Variants in GALNT18 observed in about 807,000 individuals in gnomAD.
GALNT18 encodes the protein GalNAc-transferase 18.
A neutral mutation model predicts 69.5 loss-of-function variants in GALNT18; 44 were observed. The ratio of observed to expected loss-of-function variants is 0.63; its 90% confidence interval spans 0.50 to 0.81. The LOEUF (loss-of-function observed/expected upper bound fraction) is 0.81. Among genes scored for constraint, GALNT18 ranks in the 40% least tolerant of loss-of-function variants. The pLI is 0.00. For missense variants in GALNT18, 715 were observed against 810.0 expected, an observed-to-expected ratio of 0.88 and a Z score of 1.42; for synonymous variants, 364 against 318.2, an observed-to-expected ratio of 1.14 and a Z score of -1.53.
intron 1 of GALNT18, among the ~76,000 whole-genome samples, chr11:11,570,996 G>A (rs1233256434): frequency 6.6e-6 from 1 of 152,044 alleles, no homozygotes; most frequent in Admixed American, 6.5e-5. Flanking sequence ...AAGTTTTCCT[G>A]GGTTGAGCAC....
intron 1 of GALNT18, among the ~76,000 whole-genome samples, chr11:11,478,919 ATCTCCCGCGGAGGTG>A (rs1856461922): frequency 1.4e-4 from 1 of 7,158 alleles, no homozygotes; most frequent in South Asian, 5.0e-3. Context: ...GCATCTCGGC[ATCTCCCGCGGAGGTG>A]GCATCTCCCG....
At chr11:11,288,416 A>G (rs1369642111) in intron 10 of GALNT18, among the ~76,000 whole-genome samples, 2 of 152,180 alleles carry the variant, frequency 1.3e-5, no homozygotes, top group Non-Finnish European at 2.9e-5. Context: ...CTCCTATGTG[A>G]AGCCATCTCT....
Position 11,618,456 on chromosome 11 carries a change from C to G in GALNT18, c.235+2903G>C, listed in dbSNP as rs959120587. Among the ~76,000 whole-genome samples the G allele has an allele frequency of 6.6e-6, 1 of 152,168 alleles. No individual in the cohort carries two copies. The highest frequency in any genetic ancestry group is 6.5e-5 in the Admixed American group (1 of 15,282). On this transcript the variant is annotated intron_variant, in intron 1 of 10. Transcript: ENST00000227756. The surrounding 1 kb of genome is among the most constrained non-coding windows in gnomAD (Gnocchi z 6.1). ...CCTCTTGGCATGAAACAAAGCAAAACCTGAGTTTATCTATGGAGTTTCCAA... is the reference window on the plus strand; with the variant it reads ...CCTCTTGGCATGAAACAAAGCAAAAGCTGAGTTTATCTATGGAGTTTCCAA...
chr11:11,390,916 G>T (rs780780891), intron 3 of GALNT18, among the ~76,000 whole-genome samples: 32 of 152,312 alleles, frequency 2.1e-4, no homozygotes, highest in Non-Finnish European at 4.3e-4. Context: ...CTGAGCCTCA[G>T]TTCTCTCTTC....
intron 6 of GALNT18, among the ~76,000 whole-genome samples, chr11:11,364,792 T>A (rs1031618402): frequency 2.6e-5 from 4 of 152,230 alleles, no homozygotes; most frequent in Admixed American, 2.6e-4. Context: ...CTATTTTGGA[T>A]ACATACTGAA....
intron 8 of GALNT18, among the ~76,000 whole-genome samples, chr11:11,329,812 G>A (rs546616237): frequency 3.3e-5 from 5 of 152,286 alleles, no homozygotes; most frequent in African/African-American, 1.2e-4. Context: ...ATCATAGTCG[G>A]ACAAGTGAAA....
At chr11:11,311,330 C>T (rs7936357) in intron 9 of GALNT18, among the ~76,000 whole-genome samples, 53,378 of 152,088 alleles carry the variant, frequency 0.35, 9,424 homozygotes, top group Admixed American at 0.39. Flanking sequence ...GGGGAGGGCA[C>T]GGTATACATG....
At chr11:11,293,955 G>A (rs935710608) in intron 9 of GALNT18, among the ~76,000 whole-genome samples, 5 of 151,620 alleles carry the variant, frequency 3.3e-5, no homozygotes, top group African/African-American at 1.2e-4. Flanking sequence ...AGACTGTGCA[G>A]AGCAGGAGGT....
At chr11:11,295,419 A>G (rs1849380949) in intron 9 of GALNT18, among the ~76,000 whole-genome samples, 3 of 152,102 alleles carry the variant, frequency 2.0e-5, no homozygotes, top group Admixed American at 6.5e-5. Flanking sequence ...CAGTGGAATG[A>G]GAGGACAGAG....
rs1855242408 is a variant in GALNT18 at position 11,430,565 on chromosome 11, C to T, written c.595+2056G>A. Among the ~76,000 whole-genome samples, 2 of 152,242 alleles carry T rather than the reference C, an allele frequency of 1.3e-5. No individual in the cohort carries two copies. Among genetic ancestry groups the T allele is most frequent in the Admixed American group, 1.3e-4 (2 of 15,284 alleles). ...GTGAAAGGTCTAGGGTGCTGCTCGT[C>T]TGCATCCCTGATGACGGACTACTGC... On this transcript the variant is annotated intron_variant, in intron 3 of 10. Transcript: ENST00000227756. This position sits in a 1 kb window ranked among gnomAD's most constrained non-coding sequence, Gnocchi z 4.9.
At chr11:11,371,721 G>C (rs11021823) in intron 6 of GALNT18, among the ~76,000 whole-genome samples, 2 of 151,992 alleles carry the variant, frequency 1.3e-5, no homozygotes, top group Non-Finnish European at 2.9e-5. Context: ...TTCCTTCTAG[G>C]ACAAGATCCT....
chr11:11,449,522 CA>C (rs1307220136), intron 1 of GALNT18, among the ~76,000 whole-genome samples: 2 of 152,250 alleles, frequency 1.3e-5, no homozygotes, highest in Non-Finnish European at 2.9e-5. Context: ...ACCAGAATAG[CA>C]AATCCATGAC....
chr11:11,310,254 A>G (rs1386848975), intron 9 of GALNT18, among the ~76,000 whole-genome samples: 1 of 152,204 alleles, frequency 6.6e-6, no homozygotes, highest in African/African-American at 2.4e-5. Context: ...GAACTTTGCC[A>G]CCCAAGAAGC....
At chr11:11,335,886 A>C (rs1850103195) in intron 7 of GALNT18, among the ~76,000 whole-genome samples, 1 of 152,192 alleles carries the variant, frequency 6.6e-6, no homozygotes, top group Non-Finnish European at 1.5e-5. Context: ...GAGGGAGCAC[A>C]GCTCTGCTGG....
chr11:11,289,145 C>T (rs1433253939), intron 10 of GALNT18, among the ~76,000 whole-genome samples: 1 of 152,182 alleles, frequency 6.6e-6, no homozygotes, highest in African/African-American at 2.4e-5. Context: ...TTCTTCAGGC[C>T]TTGTCAACAG....
chr11:11,467,342 C>T (rs1037822377), intron 1 of GALNT18, among the ~76,000 whole-genome samples: 10 of 152,214 alleles, frequency 6.6e-5, no homozygotes, highest in Admixed American at 2.0e-4. Context: ...CCACTGGTTC[C>T]GCTGCAGCTG....
At chr11:11,608,466 T>TA (rs1859807537) in intron 1 of GALNT18, among the ~76,000 whole-genome samples, 1 of 152,026 alleles carries the variant, frequency 6.6e-6, no homozygotes, top group Admixed American at 6.6e-5. Context: ...TTCAAGCAAT[T>TA]CTCCTGCCTC....
At chr11:11,520,227 T>G (rs1857365596) in intron 1 of GALNT18, among the ~76,000 whole-genome samples, 1 of 152,192 alleles carries the variant, frequency 6.6e-6, no homozygotes, top group Non-Finnish European at 1.5e-5. Context: ...AAGAACACCA[T>G]GAGGGAGGTC....
intron 8 of GALNT18, among the ~76,000 whole-genome samples, chr11:11,331,617 G>A (rs893676723): frequency 2.6e-5 from 4 of 152,152 alleles, no homozygotes; most frequent in African/African-American, 9.7e-5. Flanking sequence ...ATCAAAAAAG[G>A]TCTGAGGGGA....
Sources: gnomAD v4.1 joint callset for allele counts (sites outside exome capture counted in the v4.1 genomes callset) on GRCh38, gnomAD v4.1.1 for gene constraint, Gnocchi (gnomAD v3.1) non-coding constraint, MANE v1.5 for transcripts, NCBI Gene and HGNC (gene_info 2026-07-23, HGNC 2026-07-21) for gene names.